Variants in PTPRG observed in about 807,000 individuals in gnomAD.
The protein encoded by PTPRG is receptor-type tyrosine-protein phosphatase gamma.
PTPRG carries 102 observed loss-of-function variants against 165.3 expected under a neutral mutation model. The observed-to-expected ratio is 0.62, with a 90% CI of 0.53 to 0.73. PTPRG has a LOEUF of 0.73. PTPRG is among the 30% of genes least tolerant of loss of function. PTPRG has a pLI of 0.00. For synonymous variants in PTPRG, 675 were observed against 669.5 expected, an observed-to-expected ratio of 1.01 and a Z score of -0.13; for missense variants, 1,866 against 1,861.4, an observed-to-expected ratio of 1.00 and a Z score of -0.05.
intron 2 of PTPRG, among the ~76,000 whole-genome samples, chr3:61,909,663 G>A (rs1559683070): frequency 1.3e-5 from 2 of 150,350 alleles, no homozygotes; most frequent in African/African-American, 5.0e-5. Flanking sequence ...TGGGTTTACA[G>A]TTATGAGCCA....
intron 2 of PTPRG, among the ~76,000 whole-genome samples, chr3:61,971,544 A>G (rs1380763708): frequency 6.6e-6 from 1 of 152,224 alleles, no homozygotes; most frequent in Non-Finnish European, 1.5e-5. Flanking sequence ...AAAACTCATT[A>G]TCTTGTAACT....
chr3:62,203,203 A>T lies in PTPRG; in HGVS notation c.1408A>T (p.Met470Leu). ...PTASPASSAD[M>L]APISSGSSTW... ...AGCGTCTCCTGCCTCTTCAGCCGAC[A>T]TGGCCCCCATCAGCTCGGGGTCTTC... Residue 470 changes from methionine (M) to leucine (L), a missense_variant, in exon 12 of 30, where the codon ATG becomes TTG. Met to Leu is a conservative substitution (Grantham distance 15). This residue lies in a region of PTPRG where 1,452 missense variants were observed against 1,463.0 expected (regional missense o/e 0.99). Transcript: ENST00000474889. This position sits in a 1 kb window ranked among gnomAD's most constrained non-coding sequence, Gnocchi z 6.4. The T allele has an allele frequency of 6.2e-7, 1 of 1,605,444 alleles. No homozygotes were observed. Among genetic ancestry groups the T allele is most frequent in the Non-Finnish European group, 8.5e-7 (1 of 1,174,048 alleles).
At chr3:62,084,489 T>C (rs1445846535) in intron 5 of PTPRG, among the ~76,000 whole-genome samples, 1 of 150,994 alleles carries the variant, frequency 6.6e-6, no homozygotes, top group African/African-American at 2.5e-5. Flanking sequence ...GAAAGGAAAC[T>C]TCAGAACTCA....
At chr3:61,690,634 T>A (rs2030139185) in intron 1 of PTPRG, among the ~76,000 whole-genome samples, 1 of 152,190 alleles carries the variant, frequency 6.6e-6, no homozygotes, top group Non-Finnish European at 1.5e-5. Flanking sequence ...TCCTTCTCCG[T>A]CATCACACAT....
intron 5 of PTPRG, among the ~76,000 whole-genome samples, chr3:62,113,626 G>A (rs934105299): frequency 6.6e-6 from 1 of 152,154 alleles, no homozygotes; most frequent in South Asian, 2.1e-4. Flanking sequence ...CAAATGTCAA[G>A]CAACATGAGG....
intron 1 of PTPRG, among the ~76,000 whole-genome samples, chr3:61,713,698 C>T (rs1047974015): frequency 3.3e-5 from 5 of 152,160 alleles, no homozygotes; most frequent in African/African-American, 1.2e-4. Context: ...CTGGCCGCAG[C>T]ATTCAGCAGT....
chr3:62,151,701 A>G (rs1247270706), intron 6 of PTPRG, among the ~76,000 whole-genome samples: 2 of 151,876 alleles, frequency 1.3e-5, no homozygotes, highest in Non-Finnish European at 2.9e-5. Context: ...TTTCTCAACT[A>G]GTAAGTGGCT....
At chr3:62,130,254 A>G (rs1314467882) in intron 5 of PTPRG, among the ~76,000 whole-genome samples, 2 of 152,218 alleles carry the variant, frequency 1.3e-5, no homozygotes, top group Admixed American at 1.3e-4. Flanking sequence ...TACTCCTTGT[A>G]GTCGCTCATC....
In PTPRG at chr3:62,228,475, T is replaced by C. The variant is rs1700816381; in HGVS notation, c.2289-2750T>C. On this transcript the variant is annotated intron_variant, in intron 13 of 29. Coordinates refer to ENST00000474889, the MANE Select transcript of PTPRG (RefSeq NM_002841.4). This position sits in a 1 kb window ranked among gnomAD's most constrained non-coding sequence, Gnocchi z 4.1. ...GATGCAGTAGGTGGAGATCACGCCATTGCACTCCAGCCTGGGCAACAGAGC... is the reference window on the plus strand; with the variant it reads ...GATGCAGTAGGTGGAGATCACGCCACTGCACTCCAGCCTGGGCAACAGAGC... Among the ~76,000 whole-genome samples the C allele has an allele frequency of 2.0e-5, 3 of 149,780 alleles. No homozygotes were observed. Among genetic ancestry groups the C allele is most frequent in the African/African-American group, 7.4e-5 (3 of 40,440 alleles).
intron 1 of PTPRG, among the ~76,000 whole-genome samples, chr3:61,703,339 G>A (rs779541191): frequency 7.2e-5 from 11 of 152,184 alleles, no homozygotes; most frequent in East Asian, 1.9e-4. Context: ...TGATTTAGCC[G>A]AAAGGGTTGT....
In PTPRG at chr3:62,207,275, G is replaced by C. The variant is rs186418551; in HGVS notation, c.2155+3325G>C. Among the ~76,000 whole-genome samples, 180 of 152,334 alleles carry C rather than the reference G, an allele frequency of 1.2e-3. 1 individual carries two copies. Among genetic ancestry groups the C allele is most frequent in the Admixed American group, 2.0e-3 (31 of 15,302 alleles). ...TAAAACTTTGTTTGCAGAAACAGGC[G>C]ATGGGTCTGATATGGTCCACAATCT... On this transcript the variant is annotated intron_variant, in intron 12 of 29. Transcript: ENST00000474889.
chr3:61,829,026 C>T (rs1239607812), intron 2 of PTPRG, among the ~76,000 whole-genome samples: 1 of 152,040 alleles, frequency 6.6e-6, no homozygotes, highest in East Asian at 1.9e-4. Flanking sequence ...AGATATATAT[C>T]CTTAGCACGT....
rs1311767078 is a variant in PTPRG, at chr3:62,222,591, C to T, written c.2288+3608C>T. Among the ~76,000 whole-genome samples, 1 of 152,130 alleles carries T rather than the reference C, an allele frequency of 6.6e-6. No individual in the cohort carries two copies. Among genetic ancestry groups the T allele is most frequent in the Non-Finnish European group, 1.5e-5 (1 of 68,024 alleles). On this transcript the variant is annotated intron_variant, in intron 13 of 29. Transcript: ENST00000474889. This position sits in a 1 kb window ranked among gnomAD's most constrained non-coding sequence, Gnocchi z 4.5. ...AGGTCTTATATTTAACTCTGGAGCT[C>T]AGAAGTAGGATCAGTACCATTGCCA... is the stretch of plus-strand genomic sequence containing the variant.
At chr3:61,828,129 T>C (rs764271882) in intron 2 of PTPRG, among the ~76,000 whole-genome samples, 17 of 152,344 alleles carry the variant, frequency 1.1e-4, no homozygotes, top group Non-Finnish European at 2.2e-4. Context: ...TTTAGTCTTC[T>C]ACATGCCCTT....
intron 2 of PTPRG, among the ~76,000 whole-genome samples, chr3:61,879,442 A>C (rs2107465945): frequency 6.6e-6 from 1 of 152,144 alleles, no homozygotes; most frequent in South Asian, 2.1e-4. Context: ...TTGGGGGATA[A>C]ACTTATTCCT....
intron 2 of PTPRG, among the ~76,000 whole-genome samples, chr3:61,832,418 T>C (rs905280631): frequency 1.3e-5 from 2 of 152,210 alleles, no homozygotes; most frequent in Non-Finnish European, 2.9e-5. Flanking sequence ...GAACAGAGTT[T>C]TGGAGCATAG....
chr3:61,801,811 A>C (rs1005053550), intron 2 of PTPRG, among the ~76,000 whole-genome samples: 1 of 152,176 alleles, frequency 6.6e-6, no homozygotes, highest in African/African-American at 2.4e-5. Flanking sequence ...GGATGCCAGG[A>C]GTTTGAGACC....
At chr3:62,032,958 G>A (rs910024625) in intron 4 of PTPRG, among the ~76,000 whole-genome samples, 14 of 152,152 alleles carry the variant, frequency 9.2e-5, no homozygotes, top group African/African-American at 3.4e-4. Flanking sequence ...CATTGAAATG[G>A]TTGAATGACC....
chr3:62,025,345 A>G (rs973861537), intron 4 of PTPRG, among the ~76,000 whole-genome samples: 1 of 152,208 alleles, frequency 6.6e-6, no homozygotes, highest in East Asian at 1.9e-4. Flanking sequence ...CCTTGGCAAA[A>G]GGACTGGGAA....
Sources: gnomAD v4.1 joint callset for allele counts (sites outside exome capture counted in the v4.1 genomes callset) on GRCh38, gnomAD v4.1.1 for gene constraint, gnomAD v4.1.1 regional missense constraint, Gnocchi (gnomAD v3.1) non-coding constraint, MANE v1.5 for transcripts, NCBI Gene and HGNC (gene_info 2026-07-23, HGNC 2026-07-21) for gene names.